Variants in ANK3 observed in about 807,000 individuals in gnomAD.
ANK3 encodes ankyrin 3.
Under a neutral mutation model 370.9 loss-of-function variants are expected in ANK3, and 57 were observed. The ratio of observed to expected loss-of-function variants is 0.15; its 90% CI spans 0.12 to 0.19. The LOEUF (loss-of-function observed/expected upper bound fraction) is 0.19. Ranked by LOEUF, ANK3 falls within the 10% of genes least tolerant of loss-of-function variation. The probability of loss-of-function intolerance (pLI) is 1.00; values close to 1 mark genes in which losing one functional copy is unlikely to be tolerated. For missense variants in ANK3, 4,439 were observed against 5,302.1 expected (o/e 0.84, Z 5.06); for synonymous variants, 1,929 against 1,946.3 (o/e 0.99, Z 0.23).
intron 1 of ANK3, among the ~76,000 whole-genome samples, chr10:60,668,712 G>C (rs1372040634): frequency 6.6e-6 from 1 of 152,134 alleles, no homozygotes; most frequent in East Asian, 1.9e-4. Context: ...TTCTTCAAAT[G>C]ACCAAGCACG....
intron 1 of ANK3, among the ~76,000 whole-genome samples, chr10:60,320,950 A>T (rs981254197): frequency 1.3e-5 from 2 of 152,198 alleles, no homozygotes; most frequent in African/African-American, 4.8e-5. Context: ...TAAGTCCCCC[A>T]GTCTGGTTGA....
intron 2 of ANK3, among the ~76,000 whole-genome samples, chr10:60,484,762 CTGAG>C (rs1252477412): frequency 1.3e-5 from 2 of 152,172 alleles, no homozygotes; most frequent in African/African-American, 2.4e-5. Context: ...GGCCACTGAA[CTGAG>C]TATTTCCCAT....
chr10:60,536,638 A>C (rs1407454027), intron 2 of ANK3, among the ~76,000 whole-genome samples: 1 of 151,976 alleles, frequency 6.6e-6, no homozygotes, highest in Non-Finnish European at 1.5e-5. Flanking sequence ...CGACTTCAAG[A>C]AAAGGTGAAT....
At chr10:60,222,632 A>G (rs1404755956) in intron 8 of ANK3, among the ~76,000 whole-genome samples, 1 of 152,136 alleles carries the variant, frequency 6.6e-6, no homozygotes, top group Non-Finnish European at 1.5e-5. Flanking sequence ...TCCTCAGTCA[A>G]GTCTAAATTC....
At chr10:60,657,923 A>G (rs6479722) in intron 1 of ANK3, among the ~76,000 whole-genome samples, 95,981 of 151,692 alleles carry the variant, frequency 0.63, 30,632 homozygotes, top group South Asian at 0.76. Context: ...ACATTTATAA[A>G]TGTTACATCT....
At chr10:60,731,605 T>G (rs1472029954) in intron 1 of ANK3, among the ~76,000 whole-genome samples, 2 of 152,244 alleles carry the variant, frequency 1.3e-5, no homozygotes, top group Non-Finnish European at 2.9e-5. Context: ...TTGTTTTGCT[T>G]CAGTCAATTT....
At chr10:60,314,168 A>G (rs752901702) in intron 1 of ANK3, among the ~76,000 whole-genome samples, 2 of 152,190 alleles carry the variant, frequency 1.3e-5, no homozygotes, top group Non-Finnish European at 2.9e-5. Context: ...AAAATTTTCA[A>G]AAGTCTTAGC....
chr10:60,274,794 C>T (rs925632765), intron 4 of ANK3, among the ~76,000 whole-genome samples: 1 of 152,194 alleles, frequency 6.6e-6, no homozygotes, highest in Non-Finnish European at 1.5e-5. Flanking sequence ...TAGTTTCTCT[C>T]CCTGTAATTC....
chr10:60,420,908 T>C (rs1271278587), intron 2 of ANK3, among the ~76,000 whole-genome samples: 1 of 152,082 alleles, frequency 6.6e-6, no homozygotes, highest in East Asian at 1.9e-4. Context: ...ACTTGTGAAA[T>C]ATTCATAGCA....
At chr10:60,079,225 A>ACACC (rs376356885) in intron 36 of ANK3, among the ~76,000 whole-genome samples, 202 of 142,734 alleles carry the variant, frequency 1.4e-3, no homozygotes, top group African/African-American at 4.2e-3. Flanking sequence ...ACACACACAC[A>ACACC]CCCCTCTTCT....
intron 2 of ANK3, among the ~76,000 whole-genome samples, chr10:60,602,734 C>T (rs2078080920): frequency 6.6e-6 from 1 of 152,024 alleles, no homozygotes; most frequent in Non-Finnish European, 1.5e-5. Context: ...TGATACAAGT[C>T]ACAGTAGTAT....
At chr10:60,537,792 A>C (rs1287457419) in intron 2 of ANK3, among the ~76,000 whole-genome samples, 1 of 151,968 alleles carries the variant, frequency 6.6e-6, no homozygotes, top group Non-Finnish European at 1.5e-5. Flanking sequence ...TATATGGCTT[A>C]TTGGCTATAG....
rs762286836 is a variant in ANK3, at chr10:60,069,434, C to A, written c.11447G>T (p.Cys3816Phe). The change falls in exon 37 of 44, where the codon TGT becomes TTT. Residue 3816 changes from cysteine to phenylalanine, a missense_variant. By Grantham distance (205) the Cys-to-Phe change is radical. This residue lies in a region of ANK3 where 496 missense variants were observed against 529.3 expected (regional missense o/e 0.94). Coordinates refer to ENST00000280772, the MANE Select transcript of ANK3 (RefSeq NM_020987.5). ...CACTGGGTTATCTTTCTCTGTGGTACAAGTGGGTGCAGAATGTTCTGTCAG... is the reference window on the plus strand; with the variant it reads ...CACTGGGTTATCTTTCTCTGTGGTAAAAGTGGGTGCAGAATGTTCTGTCAG... ...IVLTEHSAPT[C>F]TTEKDNPVKV... 1 of 1,614,016 alleles carries A rather than the reference C, an allele frequency of 6.2e-7. No individual in the cohort carries two copies. The highest frequency in any genetic ancestry group is 8.5e-7 in the Non-Finnish European group (1 of 1,179,980).
intron 4 of ANK3, among the ~76,000 whole-genome samples, chr10:60,271,586 G>A (rs973887700): frequency 8.6e-5 from 13 of 151,958 alleles, no homozygotes; most frequent in African/African-American, 2.2e-4. Context: ...TATACATTAC[G>A]CAATTTCAAA....
chr10:60,076,165 T>A lies in ANK3; in HGVS notation c.4716A>T (p.Arg1572Ser). 6.2e-7 allele frequency: 1 copy of A among 1,614,156 alleles called. No homozygotes were observed. Among genetic ancestry groups the A allele is most frequent in the Non-Finnish European group, 8.5e-7 (1 of 1,180,008 alleles). The change falls in exon 37 of 44, where the codon AGA becomes AGT. Residue 1572 changes from arginine to serine, a missense_variant. This residue lies in a region of ANK3 where 679 missense variants were observed against 791.0 expected (regional missense o/e 0.86). Coordinates refer to ENST00000280772, the MANE Select transcript of ANK3 (RefSeq NM_020987.5). The part of the protein sequence containing the change: ...KSISDVASPI[R>S]SFRTMSSPIK... ...TCGGCGAAGACATTGTCCGAAAGGA[T>A]CTAATTGGAGATGCCACGTCACTAA...
intron 2 of ANK3, among the ~76,000 whole-genome samples, chr10:60,519,628 A>G (rs1595193861): frequency 6.6e-6 from 1 of 152,158 alleles, no homozygotes; most frequent in East Asian, 1.9e-4. Context: ...AAGCCTCAGC[A>G]TTCATCCTAG....
intron 2 of ANK3, among the ~76,000 whole-genome samples, chr10:60,470,431 A>G (rs1456430832): frequency 6.7e-6 from 1 of 149,936 alleles, no homozygotes; most frequent in African/African-American, 2.5e-5. Context: ...TTCCAATAAT[A>G]TCAATGCGGT....
chr10:60,115,371 G>A (rs1565110670), intron 25 of ANK3, among the ~76,000 whole-genome samples: 1 of 152,102 alleles, frequency 6.6e-6, no homozygotes, highest in Non-Finnish European at 1.5e-5. Context: ...TATCACCATC[G>A]GGTGTGTCCA....
chr10:60,451,645 T>A (rs1328068251), intron 2 of ANK3, among the ~76,000 whole-genome samples: 1 of 152,174 alleles, frequency 6.6e-6, no homozygotes, highest in South Asian at 2.1e-4. Flanking sequence ...CCTATACCTA[T>A]GAATGTGTTT....
Sources: allele counts gnomAD v4.1 joint callset (sites outside exome capture counted in the v4.1 genomes callset), GRCh38; gene constraint gnomAD v4.1.1; regional missense constraint gnomAD v4.1.1; transcripts MANE v1.5; gene names NCBI Gene and HGNC (gene_info 2026-07-23, HGNC 2026-07-21).